CTNNA2: variants seen among roughly 807,000 people sequenced by gnomAD.
The protein encoded by CTNNA2 is catenin alpha 2, also known as catenin alpha-2.
Under a neutral mutation model 101.0 loss-of-function variants are expected in CTNNA2, and 42 were observed. The observed-to-expected ratio is 0.42, with a 90% CI of 0.32 to 0.54. CTNNA2 has a LOEUF of 0.54. CTNNA2 is among the 20% of genes least tolerant of loss of function. The probability of loss-of-function intolerance (pLI) is 0.14; values close to 1 mark genes in which losing one functional copy is unlikely to be tolerated. For missense variants in CTNNA2, 871 were observed against 1,223.1 expected, an observed-to-expected ratio of 0.71 and a Z score of 4.29; for synonymous variants, 450 against 456.4, an observed-to-expected ratio of 0.99 and a Z score of 0.18.
intron 7 of CTNNA2, among the ~76,000 whole-genome samples, chr2:80,128,631 G>T (rs991305733): frequency 7.9e-5 from 12 of 152,158 alleles, no homozygotes; most frequent in African/African-American, 2.2e-4. Context: ...AACCCACAAA[G>T]ATCAGAAGTC....
intron 1 of CTNNA2, among the ~76,000 whole-genome samples, chr2:79,584,524 T>C (rs1450203060): frequency 2.0e-5 from 3 of 151,824 alleles, no homozygotes; most frequent in Admixed American, 2.0e-4. Flanking sequence ...GATTTTCTTT[T>C]TTTTTTTTTT....
intron 4 of CTNNA2, among the ~76,000 whole-genome samples, chr2:79,383,477 G>C (rs944469737): frequency 2.6e-5 from 4 of 152,166 alleles, no homozygotes; most frequent in African/African-American, 4.8e-5. Context: ...GTAGAAACTA[G>C]AATACCCATG....
At chr2:80,637,448 A>G (rs1266258218) in intron 18 of CTNNA2, among the ~76,000 whole-genome samples, 1 of 151,928 alleles carries the variant, frequency 6.6e-6, no homozygotes, top group Non-Finnish European at 1.5e-5. Context: ...AGAGATGAAA[A>G]CATGCATGTA....
At chr2:80,058,695 G>A (rs1697385418) in intron 7 of CTNNA2, among the ~76,000 whole-genome samples, 1 of 152,062 alleles carries the variant, frequency 6.6e-6, no homozygotes, top group Admixed American at 6.6e-5. Flanking sequence ...TAGAACCTTA[G>A]ACTATTACAG....
At chr2:79,208,597 T>C (rs1208867569) in intron 2 of CTNNA2, among the ~76,000 whole-genome samples, 2 of 152,200 alleles carry the variant, frequency 1.3e-5, no homozygotes, top group African/African-American at 2.4e-5. Context: ...TGTGGTGTAA[T>C]TGCTCTTCTA....
intron 1 of CTNNA2, among the ~76,000 whole-genome samples, chr2:79,587,907 G>C (rs1676599279): frequency 6.6e-6 from 1 of 152,166 alleles, no homozygotes; most frequent in Non-Finnish European, 1.5e-5. Context: ...ATCTGGCCCA[G>C]CTCAGGTCTG....
intron 2 of CTNNA2, among the ~76,000 whole-genome samples, chr2:79,251,653 A>C (rs1674772136): frequency 6.6e-6 from 1 of 152,132 alleles, no homozygotes; most frequent in Admixed American, 6.6e-5. Flanking sequence ...CCCACATGGT[A>C]AAGAACCGAT....
intron 7 of CTNNA2, among the ~76,000 whole-genome samples, chr2:80,116,381 A>C (rs2148869843): frequency 6.6e-6 from 1 of 151,950 alleles, no homozygotes; most frequent in Non-Finnish European, 1.5e-5. Flanking sequence ...AAAGCTAAAA[A>C]AAAAAAAAAA....
intron 2 of CTNNA2, among the ~76,000 whole-genome samples, chr2:79,241,683 A>G (rs962333794): frequency 6.6e-6 from 1 of 152,222 alleles, no homozygotes; most frequent in African/African-American, 2.4e-5. Flanking sequence ...TTTCTATCCA[A>G]TTGAATTGTC....
intron 5 of CTNNA2, among the ~76,000 whole-genome samples, chr2:79,871,217 A>G (rs189811760): frequency 2.2e-4 from 34 of 152,202 alleles, no homozygotes; most frequent in African/African-American, 8.2e-4. Flanking sequence ...TTGAATGTTC[A>G]TTCTGTGCCA....
At chr2:79,242,553 C>A (rs1340675192) in intron 2 of CTNNA2, among the ~76,000 whole-genome samples, 3 of 152,132 alleles carry the variant, frequency 2.0e-5, no homozygotes, top group African/African-American at 7.2e-5. Context: ...TCATCTCTTG[C>A]AAACAAGTCA....
chr2:80,282,880 A>C (rs1439060088), intron 7 of CTNNA2, among the ~76,000 whole-genome samples: 3 of 151,986 alleles, frequency 2.0e-5, no homozygotes, highest in African/African-American at 7.2e-5. Flanking sequence ...TTTTTTTTTC[A>C]GAAAGAAGTA....
At chr2:80,099,470 G>A (rs759142115) in intron 7 of CTNNA2, among the ~76,000 whole-genome samples, 3 of 152,122 alleles carry the variant, frequency 2.0e-5, no homozygotes, top group East Asian at 1.9e-4. Flanking sequence ...CCTCTCTTGC[G>A]AGAAACAATT....
intron 3 of CTNNA2, among the ~76,000 whole-genome samples, chr2:79,343,494 T>G (rs1677184657): frequency 6.6e-6 from 1 of 152,136 alleles, no homozygotes; most frequent in Non-Finnish European, 1.5e-5. Flanking sequence ...CACATTCTTT[T>G]AACTTCTAGA....
At chr2:79,382,786 C>G (rs1444525928) in intron 4 of CTNNA2, among the ~76,000 whole-genome samples, 2 of 151,988 alleles carry the variant, frequency 1.3e-5, no homozygotes, top group Non-Finnish European at 2.9e-5. Context: ...GCTAATTTTT[C>G]ATATTTTTTA....
chr2:79,836,840 G>A (rs1022789833), intron 3 of CTNNA2, among the ~76,000 whole-genome samples: 1 of 151,966 alleles, frequency 6.6e-6, no homozygotes, highest in Admixed American at 6.6e-5. Context: ...CATGATCATG[G>A]CTTACTGCAG....
chr2:79,944,251 CT>C (rs1358295535), intron 7 of CTNNA2, among the ~76,000 whole-genome samples: 7 of 152,076 alleles, frequency 4.6e-5, no homozygotes, highest in Non-Finnish European at 2.9e-5. Flanking sequence ...ATTAAAAAAC[CT>C]TACCCTAACA....
At chr2:80,140,308 T>C (rs1702931554) in intron 7 of CTNNA2, among the ~76,000 whole-genome samples, 1 of 152,152 alleles carries the variant, frequency 6.6e-6, no homozygotes, top group Non-Finnish European at 1.5e-5. Context: ...TTTTTATCAT[T>C]GCTACCACTG....
chr2:79,699,641 C>T (rs1684860870), intron 2 of CTNNA2, among the ~76,000 whole-genome samples: 1 of 150,818 alleles, frequency 6.6e-6, no homozygotes, highest in African/African-American at 2.4e-5. Context: ...TCAAAAAGAC[C>T]CTCCATGTTA....
Sources: allele counts gnomAD v4.1 joint callset (sites outside exome capture counted in the v4.1 genomes callset), GRCh38; gene constraint gnomAD v4.1.1; transcripts MANE v1.5; gene names NCBI Gene and HGNC (gene_info 2026-07-23, HGNC 2026-07-21).